The following MYO6 variants were observed in gnomAD, a reference collection of about 807,000 sequenced individuals.
MYO6 encodes the protein myosin VI.
In MYO6, 74 loss-of-function variants were observed where a neutral mutation model predicts 178.7. The observed-to-expected ratio is 0.41, with a 90% CI of 0.34 to 0.50. The LOEUF is 0.50. MYO6 is among the 20% of genes least tolerant of loss of function. The pLI is 0.09. For missense variants in MYO6, 1,330 were observed against 1,547.4 expected (o/e 0.86, Z 2.36); for synonymous variants, 477 against 504.6 (o/e 0.95, Z 0.73).
At chr6:75,800,139 C>T (rs1769296533) in intron 1 of MYO6, among the ~76,000 whole-genome samples, 1 of 152,100 alleles carries the variant, frequency 6.6e-6, no homozygotes, top group Non-Finnish European at 1.5e-5. Flanking sequence ...AATAATTTCA[C>T]TTCATGGTTC....
chr6:75,803,805 C>G (rs1453870837), intron 1 of MYO6, among the ~76,000 whole-genome samples: 1 of 152,094 alleles, frequency 6.6e-6, no homozygotes, highest in Non-Finnish European at 1.5e-5. Context: ...TCAATTAATA[C>G]TATATCATAG....
intron 18 of MYO6, among the ~76,000 whole-genome samples, chr6:75,869,895 C>T (rs759201696): frequency 1.3e-5 from 2 of 151,894 alleles, no homozygotes; most frequent in Non-Finnish European, 2.9e-5. Flanking sequence ...GTGTGGATCA[C>T]GAGGTCAGGA....
chr6:75,876,538 A>G (rs1217573143), intron 20 of MYO6, among the ~76,000 whole-genome samples: 1 of 152,182 alleles, frequency 6.6e-6, no homozygotes, highest in African/African-American at 2.4e-5. Flanking sequence ...TCCCCATTGG[A>G]ATTCCTCTTT....
intron 4 of MYO6, among the ~76,000 whole-genome samples, chr6:75,829,359 C>T (rs957054927): frequency 2.0e-5 from 3 of 152,050 alleles, no homozygotes; most frequent in African/African-American, 7.2e-5. Flanking sequence ...TAAATTACCC[C>T]ACTGTAGTTC....
chr6:75,823,942 G>A (rs990614160), intron 3 of MYO6, among the ~76,000 whole-genome samples: 2 of 152,216 alleles, frequency 1.3e-5, no homozygotes, highest in African/African-American at 4.8e-5. Flanking sequence ...GGAAAAAAAT[G>A]TAGAATTCCC....
rs979282744 is a variant in MYO6, at chr6:75,895,350, C to A, written c.3137+90C>A. On this transcript the variant is annotated intron_variant, in intron 29 of 34. Transcript: ENST00000369977. ...ATTGGAGTAAATTTTAAATTATTTT[C>A]TTCTATTGAAAGGTAATGAGATAAC... 7.5e-6 allele frequency: 8 copies of A among 1,071,274 alleles called. No individual in the cohort carries two copies. The African/African-American group carries it at 1.1e-4, about 15-fold the overall frequency. 66.4% of individuals were successfully genotyped at this position (1,071,274 alleles called of 1,614,324 possible).
intron 3 of MYO6, among the ~76,000 whole-genome samples, chr6:75,828,323 A>G (rs1470529117): frequency 6.6e-6 from 1 of 152,118 alleles, no homozygotes; most frequent in African/African-American, 2.4e-5. Context: ...TTGAAAATTC[A>G]TTACTTAAAA....
intron 1 of MYO6, among the ~76,000 whole-genome samples, chr6:75,755,705 C>T (rs1025838626): frequency 1.3e-5 from 2 of 152,144 alleles, no homozygotes; most frequent in Non-Finnish European, 1.5e-5. Flanking sequence ...ACTGTGTGTG[C>T]GTCTGTGTTG....
At chr6:75,767,431 A>G (rs1778526134) in intron 1 of MYO6, among the ~76,000 whole-genome samples, 1 of 152,050 alleles carries the variant, frequency 6.6e-6, no homozygotes, top group African/African-American at 2.4e-5. Flanking sequence ...TGAATATAAA[A>G]TTAATGTTTC....
chr6:75,852,828 TG>T (rs1191816819), intron 11 of MYO6, among the ~76,000 whole-genome samples: 2 of 152,244 alleles, frequency 1.3e-5, no homozygotes. Context: ...AATTTGTGTT[TG>T]GATGTGTTTT....
intron 1 of MYO6, among the ~76,000 whole-genome samples, chr6:75,759,576 ATT>A (rs879316456): frequency 2.8e-5 from 4 of 144,334 alleles, no homozygotes; most frequent in Non-Finnish European, 3.1e-5. Context: ...AGCCCAGGTG[ATT>A]TTTTTTTTTT....
intron 33 of MYO6, among the ~76,000 whole-genome samples, chr6:75,912,381 C>T (rs1780821825): frequency 6.6e-6 from 1 of 151,990 alleles, no homozygotes; most frequent in Admixed American, 6.6e-5. Flanking sequence ...TTGAAGATTA[C>T]ACAATTGAAT....
At chr6:75,787,585 C>T (rs1466925437) in intron 1 of MYO6, among the ~76,000 whole-genome samples, 1 of 147,332 alleles carries the variant, frequency 6.8e-6, no homozygotes, top group Non-Finnish European at 1.5e-5. Flanking sequence ...CTAAGAAAGG[C>T]AAATGAAATT....
chr6:75,903,521 CT>C (rs1428418503), intron 30 of MYO6, among the ~76,000 whole-genome samples: 6 of 152,084 alleles, frequency 3.9e-5, no homozygotes, highest in African/African-American at 1.4e-4. Context: ...GGTTTAAAGT[CT>C]GTTTTATCAG....
intron 1 of MYO6, among the ~76,000 whole-genome samples, chr6:75,758,507 C>G (rs1373892318): frequency 6.6e-6 from 1 of 152,184 alleles, no homozygotes; most frequent in Non-Finnish European, 1.5e-5. Context: ...GTCACCCAGG[C>G]TGGAGTGCAG....
chr6:75,908,089 A>T (rs573867452), intron 31 of MYO6, among the ~76,000 whole-genome samples: 1 of 152,288 alleles, frequency 6.6e-6, no homozygotes, highest in African/African-American at 2.4e-5. Flanking sequence ...TTCTCACTAC[A>T]CTTTCCTCCA....
In MYO6 at chr6:75,887,565, T is replaced by C. The variant is rs1327873948; in HGVS notation, c.2658+571T>C. Among the ~76,000 whole-genome samples, 3 of 135,870 alleles carry C rather than the reference T, an allele frequency of 2.2e-5. No homozygotes were observed. In the Admixed American group the frequency reaches 2.4e-4, roughly 11 times the overall value. 89.1% of individuals were successfully genotyped at this position (135,870 alleles called of 152,430 possible). On this transcript the variant is annotated intron_variant, in intron 25 of 34. Coordinates refer to ENST00000369977, the MANE Select transcript of MYO6 (RefSeq NM_004999.4). ...CTGAGGCAGGAGAATCGCTTGAACC[T>C]GGGAGGCGGAGATTGCAGTGAGCCA...
At chr6:75,829,122 A>G (rs185957249) in intron 4 of MYO6, among the ~76,000 whole-genome samples, 4 of 152,280 alleles carry the variant, frequency 2.6e-5, no homozygotes, top group East Asian at 1.9e-4. Flanking sequence ...TGCTGACCAT[A>G]GAGCCTAAAT....
chr6:75,832,057 C>T (rs911565525), intron 5 of MYO6, among the ~76,000 whole-genome samples: 19 of 152,080 alleles, frequency 1.2e-4, no homozygotes, highest in African/African-American at 4.6e-4. Flanking sequence ...ATTGTGATGA[C>T]CTAGTTTTGA....
Sources: gnomAD v4.1 joint callset for allele counts (sites outside exome capture counted in the v4.1 genomes callset) on GRCh38, gnomAD v4.1.1 for gene constraint, MANE v1.5 for transcripts, NCBI Gene and HGNC (gene_info 2026-07-23, HGNC 2026-07-21) for gene names.